CACNB2: variants seen among roughly 807,000 people sequenced by gnomAD.
CACNB2 encodes the protein voltage-dependent L-type calcium channel subunit beta-2.
In CACNB2, 42 loss-of-function variants were observed where a neutral mutation model predicts 73.3. The ratio of observed to expected loss-of-function variants is 0.57; its 90% CI spans 0.45 to 0.74. CACNB2 has a LOEUF of 0.74. CACNB2 is among the 30% of genes least tolerant of loss of function. The pLI, the probability that CACNB2 is intolerant of heterozygous loss-of-function variation, is 0.00. For synonymous variants in CACNB2, 348 were observed against 310.3 expected, an observed-to-expected ratio of 1.12 and a Z score of -1.28; for missense variants, 940 against 853.0, an observed-to-expected ratio of 1.10 and a Z score of -1.27.
At chr10:18,418,536 A>G (rs955062519) in intron 3 of CACNB2, among the ~76,000 whole-genome samples, 16 of 152,214 alleles carry the variant, frequency 1.1e-4, no homozygotes, top group African/African-American at 3.6e-4. Context: ...ATAAGATTGA[A>G]AACCTAACTT....
rs1360204173 is a variant in CACNB2 at position 18,540,000 on chromosome 10, C to CA, written c.*280dup. 2.8e-6 allele frequency: 1 copy of CA among 363,422 alleles called. No homozygotes were observed. The highest frequency in any genetic ancestry group is 2.1e-5 in the African/African-American group (1 of 48,330). The allele number at this position is 363,422 out of a possible 1,614,324, so 22.5% of individuals were successfully genotyped here. ...CTGTTTTGGGTAGCTGCCACTTGAA[C>CA]AAAATCTGTTGCCACCCAGGTGATG... is the stretch of plus-strand genomic sequence containing the variant. On this transcript the variant is annotated 3_prime_UTR_variant, in exon 14 of 14. Coordinates refer to ENST00000324631, the MANE Select transcript of CACNB2 (RefSeq NM_201596.3).
rs1185764878 is a variant in CACNB2, at chr10:18,171,521, G to GGAAAA, written c.213+20546_213+20547insGAAAA. 1.1e-3 allele frequency among the ~76,000 whole-genome samples: 35 copies of GGAAAA among 32,600 alleles called. 2 individuals are homozygous for GGAAAA. Among genetic ancestry groups the GGAAAA allele is most frequent in the Admixed American group, 2.4e-3 (4 of 1,672 alleles). 21.4% of individuals were successfully genotyped at this position (32,600 alleles called of 152,430 possible). ...TCCCTTCTTCCCGGCTTTGATAGCA[G>GGAAAA]AAAAAAAAAAAAAAAAAAAAAAAAA... On this transcript the variant is annotated intron_variant, in intron 2 of 13. Transcript: ENST00000324631.
intron 3 of CACNB2, among the ~76,000 whole-genome samples, chr10:18,478,019 C>T (rs914000856): frequency 6.6e-6 from 1 of 152,140 alleles, no homozygotes; most frequent in African/African-American, 2.4e-5. Context: ...ACTGGAAGCA[C>T]CTCCTGGGTT....
At chr10:18,261,227 A>T in intron 2 of CACNB2, 1 of 1,550,474 alleles carries the variant, frequency 6.4e-7, no homozygotes, top group Non-Finnish European at 8.7e-7. Flanking sequence ...GGCACAGTGC[A>T]GCTTGGTGAA....
intron 2 of CACNB2, among the ~76,000 whole-genome samples, chr10:18,385,151 C>T (rs1215210963): frequency 6.6e-6 from 1 of 151,792 alleles, no homozygotes; most frequent in Admixed American, 6.6e-5. Context: ...GGCATGGTGA[C>T]GGACACATGT....
At chr10:18,496,229 G>T (rs2049806894) in intron 3 of CACNB2, among the ~76,000 whole-genome samples, 1 of 150,064 alleles carries the variant, frequency 6.7e-6, no homozygotes, top group African/African-American at 2.5e-5. Context: ...TCAATAACTG[G>T]CTTCCAAATA....
intron 2 of CACNB2, among the ~76,000 whole-genome samples, chr10:18,277,715 G>A (rs1343442099): frequency 6.6e-6 from 1 of 152,170 alleles, no homozygotes; most frequent in Non-Finnish European, 1.5e-5. Context: ...TTTATTTAAT[G>A]CCTAGCATGT....
chr10:18,501,775 G>A (rs61839302), intron 5 of CACNB2, among the ~76,000 whole-genome samples: 15,658 of 152,180 alleles, frequency 0.1, 1,158 homozygotes, highest in East Asian at 0.35. Context: ...ATACTTTACT[G>A]TGAGCAAGTA....
At chr10:18,433,977 A>G (rs1291782404) in intron 3 of CACNB2, among the ~76,000 whole-genome samples, 1 of 150,728 alleles carries the variant, frequency 6.6e-6, no homozygotes, top group Non-Finnish European at 1.5e-5. Context: ...CAGTATTCCT[A>G]TCCATTCCAG....
intron 2 of CACNB2, among the ~76,000 whole-genome samples, chr10:18,387,998 C>T (rs1045826880): frequency 6.6e-6 from 1 of 152,142 alleles, no homozygotes; most frequent in Non-Finnish European, 1.5e-5. Context: ...CTCAAGCAAT[C>T]CTCCTGCCTC....
At chr10:18,509,604 G>C (rs920579821) in intron 6 of CACNB2, among the ~76,000 whole-genome samples, 3 of 152,050 alleles carry the variant, frequency 2.0e-5, no homozygotes, top group Non-Finnish European at 4.4e-5. Context: ...TTCAAGACCA[G>C]CCTGGACAAT....
chr10:18,220,136 TATATATATATATATATATACAC>T (rs1262141693), intron 2 of CACNB2, among the ~76,000 whole-genome samples: 1 of 39,302 alleles, frequency 2.5e-5, no homozygotes, highest in Non-Finnish European at 4.0e-5. Context: ...TATATATATA[TATATATATATATATATATACAC>T]ACACACACAC....
intron 2 of CACNB2, among the ~76,000 whole-genome samples, chr10:18,196,147 G>C (rs933846508): frequency 3.9e-5 from 6 of 152,050 alleles, no homozygotes; most frequent in African/African-American, 1.4e-4. Context: ...TTATTTTACA[G>C]ATGTGACACA....
At chr10:18,204,391 C>A (rs374085285) in intron 2 of CACNB2, among the ~76,000 whole-genome samples, 1 of 152,180 alleles carries the variant, frequency 6.6e-6, no homozygotes, top group Non-Finnish European at 1.5e-5. Context: ...ATAGGTGGAC[C>A]TAACATTATT....
At chr10:18,293,166 A>G (rs1486465823) in intron 2 of CACNB2, among the ~76,000 whole-genome samples, 1 of 152,090 alleles carries the variant, frequency 6.6e-6, no homozygotes, top group East Asian at 1.9e-4. Flanking sequence ...TTGAAACACA[A>G]CTCTCAAAAT....
At chr10:18,517,019 T>C (rs1453808190) in intron 7 of CACNB2, among the ~76,000 whole-genome samples, 2 of 152,224 alleles carry the variant, frequency 1.3e-5, no homozygotes, top group African/African-American at 2.4e-5. Flanking sequence ...AATTCTCCCC[T>C]GAGGCAATGT....
chr10:18,150,874 T>TTTTTTTG lies in CACNB2; in HGVS notation c.121-3_121-2insGTTTTTT. 7.9e-7 allele frequency: 1 copy of TTTTTTTG among 1,271,866 alleles called. No individual in the cohort carries two copies. Among genetic ancestry groups the TTTTTTTG allele is most frequent in the Admixed American group, 2.2e-5 (1 of 44,818 alleles). 78.8% of individuals were successfully genotyped at this position (1,271,866 alleles called of 1,614,324 possible). On this transcript the variant is annotated splice_polypyrimidine_tract_variant and intron_variant, in intron 1 of 13. Transcript: ENST00000324631. ...ATTTGTCTTTTTTTTTTTTTTTTTTTTTTTTTAGTCATATGGAAAAGGAGC... is the reference window on the plus strand; with the variant it reads ...ATTTGTCTTTTTTTTTTTTTTTTTTTTTTTTTGTTTTTTAGTCATATGGAAAAGGAGC...
At chr10:18,339,650 C>T (rs2132063263) in intron 2 of CACNB2, among the ~76,000 whole-genome samples, 1 of 152,312 alleles carries the variant, frequency 6.6e-6, no homozygotes. Flanking sequence ...GTTACATGGT[C>T]TCTGTTGCAA....
chr10:18,388,167 C>T (rs2043313695), intron 2 of CACNB2, among the ~76,000 whole-genome samples: 1 of 152,128 alleles, frequency 6.6e-6, no homozygotes, highest in Non-Finnish European at 1.5e-5. Context: ...CCTTCAAATG[C>T]AAAATAGAGC....
Sources: allele counts gnomAD v4.1 joint callset (sites outside exome capture counted in the v4.1 genomes callset), GRCh38; gene constraint gnomAD v4.1.1; transcripts MANE v1.5; gene names NCBI Gene and HGNC (gene_info 2026-07-23, HGNC 2026-07-21).